The following GRM1 variants were observed in gnomAD, a reference collection of about 807,000 sequenced individuals.
The protein encoded by GRM1 is metabotropic glutamate receptor 1.
A neutral mutation model predicts 90.9 loss-of-function variants in GRM1; 33 were observed. The ratio of observed to expected loss-of-function variants is 0.36; its 90% CI spans 0.28 to 0.49. GRM1 has a LOEUF of 0.49. Ranked by LOEUF, GRM1 falls within the 20% of genes least tolerant of loss-of-function variation. GRM1 has a pLI of 0.99. For missense variants in GRM1, 1,190 were observed against 1,534.3 expected, an observed-to-expected ratio of 0.78 and a Z score of 3.75; for synonymous variants, 700 against 613.2, an observed-to-expected ratio of 1.14 and a Z score of -2.09.
intron 6 of GRM1, among the ~76,000 whole-genome samples, chr6:146,391,709 TAAAG>T (rs1437366298): frequency 8.6e-5 from 13 of 151,130 alleles, no homozygotes; most frequent in Admixed American, 3.3e-4. Context: ...AAATAAAAAA[TAAAG>T]AAAGAAAAGA....
chr6:146,237,789 CAT>C (rs1368538532), intron 2 of GRM1, among the ~76,000 whole-genome samples: 1 of 152,122 alleles, frequency 6.6e-6, no homozygotes, highest in Non-Finnish European at 1.5e-5. Flanking sequence ...GAAGTCATGC[CAT>C]CTGATAGGGT....
chr6:146,194,260 CTTCA>C (rs1255135326), intron 2 of GRM1, among the ~76,000 whole-genome samples: 10 of 152,106 alleles, frequency 6.6e-5, no homozygotes, highest in Admixed American at 6.6e-4. Context: ...TTTTTAGAGT[CTTCA>C]TTATCCACTA....
At chr6:146,104,215 C>G (rs968236197) in intron 1 of GRM1, among the ~76,000 whole-genome samples, 1 of 151,992 alleles carries the variant, frequency 6.6e-6, no homozygotes, top group African/African-American at 2.4e-5. Context: ...CCGAGGCGGG[C>G]GGATCACGAG....
intron 1 of GRM1, among the ~76,000 whole-genome samples, chr6:146,144,082 G>A (rs1261001050): frequency 6.6e-6 from 1 of 152,210 alleles, no homozygotes; most frequent in Non-Finnish European, 1.5e-5. Flanking sequence ...CTGTTATGGA[G>A]CCTGGGGAGT....
intron 1 of GRM1, among the ~76,000 whole-genome samples, chr6:146,035,017 G>A (rs184602431): frequency 3.6e-4 from 55 of 152,034 alleles, no homozygotes; most frequent in Non-Finnish European, 4.1e-4. Context: ...CAATTGTAGG[G>A]AACTGAAAGA....
intron 1 of GRM1, among the ~76,000 whole-genome samples, chr6:146,065,404 A>G (rs1377748667): frequency 6.6e-6 from 1 of 152,196 alleles, no homozygotes; most frequent in African/African-American, 2.4e-5. Context: ...TGACCCTGCC[A>G]CTTACCAGAC....
At chr6:146,425,847 G>C (rs974625574) in intron 7 of GRM1, among the ~76,000 whole-genome samples, 1 of 152,214 alleles carries the variant, frequency 6.6e-6, no homozygotes, top group Non-Finnish European at 1.5e-5. Flanking sequence ...ACAAATGATG[G>C]AAAGGCCGAC....
chr6:146,158,059 G>C (rs1397381318), intron 1 of GRM1, among the ~76,000 whole-genome samples: 1 of 152,136 alleles, frequency 6.6e-6, no homozygotes, highest in Admixed American at 6.5e-5. Context: ...TAATTTCCTT[G>C]TGCTATTGAA....
intron 1 of GRM1, among the ~76,000 whole-genome samples, chr6:146,148,625 G>A (rs186783338): frequency 1.1e-4 from 16 of 152,002 alleles, no homozygotes; most frequent in East Asian, 1.9e-4. Flanking sequence ...CTGAAACTTC[G>A]TGGAAAATGA....
At chr6:146,260,532 G>C (rs1290565890) in intron 2 of GRM1, among the ~76,000 whole-genome samples, 1 of 152,054 alleles carries the variant, frequency 6.6e-6, no homozygotes, top group African/African-American at 2.4e-5. Flanking sequence ...GGGATTGCTG[G>C]GTTAAATGGT....
chr6:146,284,215 A>G (rs547169058), intron 2 of GRM1, among the ~76,000 whole-genome samples: 36 of 152,350 alleles, frequency 2.4e-4, no homozygotes, highest in Non-Finnish European at 4.3e-4. Flanking sequence ...CAATGTTATT[A>G]CTATTAGTAA....
chr6:146,387,324 A>T (rs1200400957), intron 6 of GRM1, among the ~76,000 whole-genome samples: 2 of 152,178 alleles, frequency 1.3e-5, no homozygotes, highest in Admixed American at 6.6e-5. Flanking sequence ...TTATATTTGC[A>T]ATCATTTCTT....
chr6:146,040,808 T>C (rs1791070406), intron 1 of GRM1, among the ~76,000 whole-genome samples: 1 of 151,970 alleles, frequency 6.6e-6, no homozygotes, highest in Admixed American at 6.6e-5. Context: ...GGAGTTTTCT[T>C]GTATTATTTC....
At chr6:146,090,313 C>CA (rs1776673445) in intron 1 of GRM1, among the ~76,000 whole-genome samples, 1 of 151,928 alleles carries the variant, frequency 6.6e-6, no homozygotes. Context: ...TATTTCAAAA[C>CA]AAAATAGAAG....
At chr6:146,050,409 A>G (rs1165810882) in intron 1 of GRM1, among the ~76,000 whole-genome samples, 1 of 152,048 alleles carries the variant, frequency 6.6e-6, no homozygotes, top group Non-Finnish European at 1.5e-5. Flanking sequence ...GTAGCTACAC[A>G]CTGATTTGTT....
At chr6:146,373,143 T>C (rs899703512) in intron 5 of GRM1, among the ~76,000 whole-genome samples, 1 of 152,284 alleles carries the variant, frequency 6.6e-6, no homozygotes, top group East Asian at 1.9e-4. Flanking sequence ...ATTTCTTTCA[T>C]CAGCGTTTTA....
chr6:146,157,448 G>A (rs1241764524), intron 1 of GRM1, among the ~76,000 whole-genome samples: 5 of 152,170 alleles, frequency 3.3e-5, no homozygotes, highest in African/African-American at 1.2e-4. Flanking sequence ...TACATTAAAT[G>A]TGTACAGTTT....
intron 5 of GRM1, among the ~76,000 whole-genome samples, chr6:146,372,807 G>T (rs1775951737): frequency 6.6e-6 from 1 of 151,940 alleles, no homozygotes; most frequent in Non-Finnish European, 1.5e-5. Flanking sequence ...CTATTCTGAT[G>T]AATTGGTCTA....
intron 6 of GRM1, among the ~76,000 whole-genome samples, chr6:146,397,473 C>CAAAA (rs1195779695): frequency 6.6e-4 from 11 of 16,766 alleles, no homozygotes; most frequent in African/African-American, 1.1e-3. Context: ...GACCCCGTCT[C>CAAAA]AAAAAAAAAA....
Sources: gnomAD v4.1 joint callset for allele counts (sites outside exome capture counted in the v4.1 genomes callset) on GRCh38, gnomAD v4.1.1 for gene constraint, MANE v1.5 for transcripts, NCBI Gene and HGNC (gene_info 2026-07-23, HGNC 2026-07-21) for gene names.